Variants in GALNT2 observed in about 807,000 individuals in gnomAD.
GALNT2 encodes the protein polypeptide N-acetylgalactosaminyltransferase 2.
A neutral mutation model predicts 81.4 loss-of-function variants in GALNT2; 31 were observed. The observed-to-expected ratio is 0.38, with a 90% CI of 0.29 to 0.51. The LOEUF is 0.51. GALNT2 is among the 20% of genes least tolerant of loss of function. The pLI is 0.87. For synonymous variants in GALNT2, 303 were observed against 287.4 expected (o/e 1.05, Z -0.55); for missense variants, 629 against 765.7 (o/e 0.82, Z 2.11).
Position 230,248,014 on chromosome 1 carries a change from G to A in GALNT2, c.818-1170G>A, listed in dbSNP as rs564335252. 9.9e-5 allele frequency among the ~76,000 whole-genome samples: 15 copies of A among 152,220 alleles called. No individual in the cohort carries two copies. The South Asian group carries it at 1.0e-3, about 11-fold the overall frequency. Reference sequence around the variant, plus strand: ...ATGATAAGAGCCAGCTCAGGGGCCCGCAGGGGTCTCCTCTCTGTGCATTTC... The same window carrying A: ...ATGATAAGAGCCAGCTCAGGGGCCCACAGGGGTCTCCTCTCTGTGCATTTC... On this transcript the variant is annotated intron_variant, in intron 8 of 15. Coordinates refer to ENST00000366672, the MANE Select transcript of GALNT2 (RefSeq NM_004481.5).
At chr1:230,201,297 C>T (rs905876475) in intron 2 of GALNT2, among the ~76,000 whole-genome samples, 6 of 152,060 alleles carry the variant, frequency 3.9e-5, no homozygotes, top group South Asian at 4.2e-4. Context: ...AACTGATTTT[C>T]GATTTGAGAG....
chr1:230,235,311 A>C (rs540076050), intron 3 of GALNT2, among the ~76,000 whole-genome samples: 50 of 150,914 alleles, frequency 3.3e-4, no homozygotes, highest in African/African-American at 1.2e-3. Context: ...TGAAATCTGC[A>C]CCTGCTTTGT....
chr1:230,091,298 T>A (rs1372252254), intron 1 of GALNT2, among the ~76,000 whole-genome samples: 3 of 151,926 alleles, frequency 2.0e-5, no homozygotes, highest in African/African-American at 4.8e-5. Flanking sequence ...ATGGTCTTGA[T>A]CTCCTGACCT....
chr1:230,136,762 G>A (rs1351475156), intron 1 of GALNT2, among the ~76,000 whole-genome samples: 3 of 152,228 alleles, frequency 2.0e-5, no homozygotes, highest in East Asian at 1.9e-4. Flanking sequence ...GGAGAGAGGC[G>A]AGTGGGAAGA....
At chr1:230,101,929 A>G (rs965596659) in intron 1 of GALNT2, among the ~76,000 whole-genome samples, 11 of 152,228 alleles carry the variant, frequency 7.2e-5, no homozygotes, top group Non-Finnish European at 1.2e-4. Flanking sequence ...TCCCTTTGCC[A>G]GACAGAAGCA....
intron 1 of GALNT2, among the ~76,000 whole-genome samples, chr1:230,146,798 A>G (rs1422143320): frequency 2.6e-5 from 4 of 152,046 alleles, no homozygotes; most frequent in African/African-American, 9.7e-5. Context: ...GGCTGCACGC[A>G]CCTCAGAGCG....
intron 1 of GALNT2, among the ~76,000 whole-genome samples, chr1:230,103,082 A>C (rs182004651): frequency 6.6e-6 from 1 of 152,180 alleles, no homozygotes; most frequent in Admixed American, 6.5e-5. Context: ...AACTCTATCA[A>C]ATTTGCATTT....
At chr1:230,164,301 G>A (rs1422416241) in intron 1 of GALNT2, among the ~76,000 whole-genome samples, 1 of 152,196 alleles carries the variant, frequency 6.6e-6, no homozygotes, top group African/African-American at 2.4e-5. Flanking sequence ...CTCCTTGTGT[G>A]TGTGATTGCC....
intron 1 of GALNT2, among the ~76,000 whole-genome samples, chr1:230,160,803 G>A (rs890174900): frequency 9.2e-5 from 14 of 152,162 alleles, no homozygotes; most frequent in Non-Finnish European, 7.3e-5. Context: ...AAGCCCTGTG[G>A]ATGCGCAGGC....
intron 1 of GALNT2, among the ~76,000 whole-genome samples, chr1:230,127,502 A>G (rs1291205883): frequency 1.3e-5 from 2 of 151,950 alleles, no homozygotes; most frequent in Admixed American, 6.6e-5. Context: ...CAGCCTCCCA[A>G]GCAGCTGGGA....
intron 1 of GALNT2, among the ~76,000 whole-genome samples, chr1:230,142,246 A>G (rs1661766350): frequency 6.6e-6 from 1 of 152,186 alleles, no homozygotes; most frequent in African/African-American, 2.4e-5. Context: ...CACAGGAAGC[A>G]TAAGGGATGG....
intron 10 of GALNT2, among the ~76,000 whole-genome samples, chr1:230,252,200 G>A (rs1170477344): frequency 3.3e-5 from 5 of 152,130 alleles, no homozygotes; most frequent in African/African-American, 1.2e-4. Flanking sequence ...TCTGGGGGCC[G>A]TGCACACTAC....
chr1:230,275,191 A>G lies in GALNT2; in HGVS notation c.1560+627A>G, dbSNP rs1003423501. 1.4e-4 allele frequency among the ~76,000 whole-genome samples: 21 copies of G among 151,722 alleles called. No individual in the cohort carries two copies. Among genetic ancestry groups the G allele is most frequent in the African/African-American group, 4.6e-4 (19 of 41,270 alleles). ...ATACCTGCCACATATATACATATAT[A>G]AACACCACATATATATACATATGCA... On this transcript the variant is annotated intron_variant, in intron 15 of 15. Transcript: ENST00000366672. The surrounding 1 kb of genome is among the most constrained non-coding windows in gnomAD (Gnocchi z 5.5).
At chr1:230,175,883 C>T (rs941067578) in intron 1 of GALNT2, among the ~76,000 whole-genome samples, 5 of 151,930 alleles carry the variant, frequency 3.3e-5, no homozygotes, top group Admixed American at 1.3e-4. Flanking sequence ...GCCTGTCATT[C>T]CCACTCTGAC....
At chr1:230,092,944 C>T (rs1558280679) in intron 1 of GALNT2, among the ~76,000 whole-genome samples, 2 of 152,260 alleles carry the variant, frequency 1.3e-5, no homozygotes, top group East Asian at 1.9e-4. Flanking sequence ...CCCATGGAGC[C>T]GGATCCTGGC....
chr1:230,214,656 G>C (rs1435312729), intron 3 of GALNT2, among the ~76,000 whole-genome samples: 1 of 152,106 alleles, frequency 6.6e-6, no homozygotes, highest in African/African-American at 2.4e-5. Flanking sequence ...TGCTGAACCT[G>C]TTTGGGATTT....
At chr1:230,274,620 C>A in intron 15 of GALNT2, 56 bp downstream of exon 15, 2 of 1,606,394 alleles carry the variant, frequency 1.2e-6, no homozygotes, top group South Asian at 2.2e-5. Context: ...AGGGTAGCCA[C>A]GGCCTGCGCC....
At chr1:230,105,842 A>G (rs187519170) in intron 1 of GALNT2, among the ~76,000 whole-genome samples, 144 of 152,320 alleles carry the variant, frequency 9.5e-4, no homozygotes, top group African/African-American at 3.3e-3. Context: ...AAGATGGACA[A>G]CTAGGAAGTG....
At chr1:230,229,180 G>A (rs1052675643) in intron 3 of GALNT2, among the ~76,000 whole-genome samples, 1 of 152,192 alleles carries the variant, frequency 6.6e-6, no homozygotes, top group African/African-American at 2.4e-5. Flanking sequence ...CTGCCACAGA[G>A]ATTTTTGCAA....
Sources: gnomAD v4.1 joint callset for allele counts (sites outside exome capture counted in the v4.1 genomes callset) on GRCh38, gnomAD v4.1.1 for gene constraint, Gnocchi (gnomAD v3.1) non-coding constraint, MANE v1.5 for transcripts, NCBI Gene and HGNC (gene_info 2026-07-23, HGNC 2026-07-21) for gene names.